The following TLN2 variants were observed in gnomAD, a reference collection of about 807,000 sequenced individuals.
The protein encoded by TLN2 is talin-2.
TLN2 carries 118 observed loss-of-function variants against 294.7 expected under a neutral mutation model. That is an observed-to-expected ratio of 0.40 (90% CI 0.34 to 0.47). The LOEUF is 0.47. TLN2 is among the 20% of genes least tolerant of loss of function. The probability of loss-of-function intolerance (pLI) is 0.84; values close to 1 mark genes in which losing one functional copy is unlikely to be tolerated. For synonymous variants in TLN2, 1,431 were observed against 1,304.5 expected (o/e 1.10, Z -2.09); for missense variants, 3,083 against 3,282.2 (o/e 0.94, Z 1.48).
At chr15:62,580,578 T>C (rs972164442) in intron 1 of TLN2, among the ~76,000 whole-genome samples, 6 of 152,150 alleles carry the variant, frequency 3.9e-5, no homozygotes, top group African/African-American at 1.4e-4. Context: ...ACCCAGCTAA[T>C]TTTTGTATTT....
In TLN2 at chr15:62,841,989, G is replaced by C. The variant is rs1273528368; in HGVS notation, c.*1379G>C. ...CGCCTCTCTCTCTCTCTCTCTCTCTGGTGTGCTATCATGTCTTGGACTCCA... is the reference window on the plus strand; with the variant it reads ...CGCCTCTCTCTCTCTCTCTCTCTCTCGTGTGCTATCATGTCTTGGACTCCA... On this transcript the variant is annotated 3_prime_UTR_variant, in exon 59 of 59. Coordinates refer to ENST00000636159, the MANE Select transcript of TLN2 (RefSeq NM_015059.3). 2 of 124,862 alleles carry C rather than the reference G, an allele frequency of 1.6e-5. No individual in the cohort carries two copies. The highest frequency in any genetic ancestry group is 6.3e-5 in the African/African-American group (2 of 31,710). The allele number at this position is 124,862 out of a possible 1,614,324, so 7.7% of individuals were successfully genotyped here.
At chr15:62,513,466 A>C (rs1409474277) in intron 1 of TLN2, among the ~76,000 whole-genome samples, 1 of 152,140 alleles carries the variant, frequency 6.6e-6, no homozygotes, top group Non-Finnish European at 1.5e-5. Context: ...GCTCTGTTGT[A>C]AATGTTGGAT....
intron 1 of TLN2, among the ~76,000 whole-genome samples, chr15:62,530,680 A>G (rs2040996770): frequency 6.6e-6 from 1 of 152,218 alleles, no homozygotes. Flanking sequence ...TAAAAAATGG[A>G]TAGGCATTGC....
intron 28 of TLN2, among the ~76,000 whole-genome samples, chr15:62,729,094 G>T (rs1177783694): frequency 1.3e-5 from 2 of 152,120 alleles, no homozygotes; most frequent in Non-Finnish European, 2.9e-5. Context: ...GATTGAAAAG[G>T]CTACTTTTTC....
chr15:62,722,533 G>A, intron 26 of TLN2, 46 bp downstream of exon 26: 1 of 1,572,294 alleles, frequency 6.4e-7, no homozygotes, highest in Non-Finnish European at 8.7e-7. Flanking sequence ...GAAGGGAGCT[G>A]GGGTGGCATG....
rs564230861 is a variant in TLN2, at chr15:62,440,286, T to C, written c.-238+49601T>C. On this transcript the variant is annotated intron_variant, in intron 1 of 58. Transcript: ENST00000636159. ...ATTTAATTAATGCTGAGTTGAAACA[T>C]TGATTTATGGTATGACTTACCTCTT... Among the ~76,000 whole-genome samples, 24 of 152,304 alleles carry C rather than the reference T, an allele frequency of 1.6e-4. 2 individuals are homozygous for C. The highest frequency in any genetic ancestry group is 5.5e-4 in the African/African-American group (23 of 41,568).
intron 9 of TLN2, among the ~76,000 whole-genome samples, chr15:62,668,949 TA>T (rs1315095982): frequency 6.6e-6 from 1 of 152,232 alleles, no homozygotes; most frequent in Non-Finnish European, 1.5e-5. Flanking sequence ...TGAAACCCAT[TA>T]TTCTAACTTT....
At chr15:62,801,591 T>C (rs1187922672) in intron 50 of TLN2, among the ~76,000 whole-genome samples, 1 of 152,220 alleles carries the variant, frequency 6.6e-6, no homozygotes, top group African/African-American at 2.4e-5. Context: ...AGAACAATTT[T>C]GCAGGGTTTT....
chr15:62,668,619 G>A (rs972069945), intron 9 of TLN2, among the ~76,000 whole-genome samples: 2 of 152,190 alleles, frequency 1.3e-5, no homozygotes, highest in African/African-American at 4.8e-5. Context: ...GGTGCGTAGT[G>A]GCCCAGAGCA....
intron 22 of TLN2, 142 bp from the exon 23 acceptor site, chr15:62,716,189 A>G (rs2059761273): frequency 9.2e-7 from 1 of 1,082,994 alleles, no homozygotes; most frequent in South Asian, 3.2e-5. Flanking sequence ...ATGAGGAAAC[A>G]TCTTCATCAT....
rs200596118 is a variant in TLN2 at position 62,703,623 on chromosome 15, G to A, written c.2004+759G>A. ...CTTCGACACACACACACACACACACGCGCGCACACACACACACACACACAC... is the reference window on the plus strand; with the variant it reads ...CTTCGACACACACACACACACACACACGCGCACACACACACACACACACAC... On this transcript the variant is annotated intron_variant, in intron 19 of 58. Transcript: ENST00000636159. Among the ~76,000 whole-genome samples the A allele has an allele frequency of 2.2e-3, 132 of 60,554 alleles. No homozygotes were observed. In the East Asian group the frequency reaches 0.053, roughly 24 times the overall value. 39.7% of individuals were successfully genotyped at this position (60,554 alleles called of 152,430 possible). A position where few individuals can be genotyped will look rare whatever the true frequency, so the allele number is the denominator to read the frequency against.
intron 32 of TLN2, among the ~76,000 whole-genome samples, chr15:62,747,227 G>A (rs1421758810): frequency 1.3e-5 from 2 of 152,162 alleles, no homozygotes; most frequent in African/African-American, 4.8e-5. Context: ...TCAATGACTT[G>A]TGCTAAATAG....
intron 1 of TLN2, among the ~76,000 whole-genome samples, chr15:62,401,558 G>T (rs551870623): frequency 1.3e-5 from 2 of 152,296 alleles, no homozygotes; most frequent in South Asian, 4.1e-4. Context: ...TCACCTGGAG[G>T]TTCTGATGTA....
chr15:62,407,594 C>T (rs959124814), intron 1 of TLN2, among the ~76,000 whole-genome samples: 1 of 152,126 alleles, frequency 6.6e-6, no homozygotes, highest in Non-Finnish European at 1.5e-5. Context: ...AGCTGGCTTG[C>T]GTCGGAATCC....
chr15:62,835,214 CCT>C (rs2069370449), intron 55 of TLN2: 1 of 154,690 alleles, frequency 6.5e-6, no homozygotes, highest in Non-Finnish European at 1.4e-5. Flanking sequence ...CTCTCCCACC[CCT>C]GACAAATGGT....
At chr15:62,424,045 T>C (rs932512935) in intron 1 of TLN2, among the ~76,000 whole-genome samples, 1 of 152,198 alleles carries the variant, frequency 6.6e-6, no homozygotes, top group African/African-American at 2.4e-5. Flanking sequence ...GGGATCTGAA[T>C]CCTGGTTCAG....
At chr15:62,394,975 C>G (rs1297915917) in intron 1 of TLN2, among the ~76,000 whole-genome samples, 1 of 152,146 alleles carries the variant, frequency 6.6e-6, no homozygotes, top group Non-Finnish European at 1.5e-5. Context: ...AATTTAATTT[C>G]AGTCAAACTG....
At chr15:62,661,799 TAGCTGCTGGAGCAGCTAC>T in intron 9 of TLN2, among the ~76,000 whole-genome samples, 1 of 152,124 alleles carries the variant, frequency 6.6e-6, no homozygotes. Flanking sequence ...ATCAAAAATG[TAGCTGCTGGAGCAGCTAC>T]ATTTGGTGTT....
intron 1 of TLN2, among the ~76,000 whole-genome samples, chr15:62,497,359 A>C (rs759351790): frequency 2.5e-4 from 38 of 152,202 alleles, no homozygotes; most frequent in Non-Finnish European, 7.3e-5. Flanking sequence ...CCAGAAGTTT[A>C]AATCTATGAA....
Sources: gnomAD v4.1 joint callset for allele counts (sites outside exome capture counted in the v4.1 genomes callset) on GRCh38, gnomAD v4.1.1 for gene constraint, MANE v1.5 for transcripts, NCBI Gene and HGNC (gene_info 2026-07-23, HGNC 2026-07-21) for gene names.